The following NRXN3 variants were observed in gnomAD, a reference collection of about 807,000 sequenced individuals.
NRXN3 encodes the protein neurexin III.
In NRXN3, 32 loss-of-function variants were observed where a neutral mutation model predicts 137.6. The observed-to-expected ratio is 0.23, with a 90% CI of 0.18 to 0.31. The LOEUF (loss-of-function observed/expected upper bound fraction) is 0.31, where lower values mean the gene tolerates loss of function less well. Among genes scored for constraint, NRXN3 ranks in the 10% least tolerant of loss-of-function variants. NRXN3 has a pLI of 1.00. For synonymous variants in NRXN3, 798 were observed against 784.5 expected, an observed-to-expected ratio of 1.02 and a Z score of -0.29; for missense variants, 1,574 against 2,062.5, an observed-to-expected ratio of 0.76 and a Z score of 4.59.
Position 78,390,755 on chromosome 14 carries a change from T to C in NRXN3, c.757+92895T>C, listed in dbSNP as rs1330650498. On this transcript the variant is annotated intron_variant, in intron 4 of 20. Transcript: ENST00000335750. ...GAAAATCATTTCATTGCTGGTTAAA[T>C]GAGTATTTTAGATAATCTTTTTAAA... is the stretch of plus-strand genomic sequence containing the variant. Among the ~76,000 whole-genome samples the C allele has an allele frequency of 5.9e-5, 9 of 152,302 alleles. No homozygotes were observed. The East Asian group carries it at 1.7e-3, about 29-fold the overall frequency.
At chr14:79,396,792 A>C (rs1312245976) in intron 15 of NRXN3, among the ~76,000 whole-genome samples, 1 of 152,182 alleles carries the variant, frequency 6.6e-6, no homozygotes, top group African/African-American at 2.4e-5. Flanking sequence ...TATTATTATT[A>C]TTTTTAACCC....
At chr14:79,850,680 T>C (rs1349404768) in intron 20 of NRXN3, among the ~76,000 whole-genome samples, 1 of 152,138 alleles carries the variant, frequency 6.6e-6, no homozygotes, top group African/African-American at 2.4e-5. Context: ...ACATTCTTAG[T>C]ACCCAGAATA....
intron 19 of NRXN3, among the ~76,000 whole-genome samples, chr14:79,714,086 A>ATTAC (rs1252187925): frequency 6.6e-6 from 1 of 152,198 alleles, no homozygotes. Context: ...TAGAAAAAGA[A>ATTAC]TTACTCCCAC....
chr14:79,051,400 C>T (rs569202253), intron 15 of NRXN3, among the ~76,000 whole-genome samples: 10 of 152,160 alleles, frequency 6.6e-5, no homozygotes, highest in African/African-American at 2.2e-4. Flanking sequence ...CTGAGGCAGG[C>T]GGTGTTAAAG....
chr14:78,660,957 G>C (rs2097835370), intron 6 of NRXN3, among the ~76,000 whole-genome samples: 1 of 152,208 alleles, frequency 6.6e-6, no homozygotes, highest in African/African-American at 2.4e-5. Context: ...AATTTGCTCT[G>C]TATTAATTCA....
At chr14:79,351,454 C>A (rs1388573535) in intron 15 of NRXN3, among the ~76,000 whole-genome samples, 1 of 152,166 alleles carries the variant, frequency 6.6e-6, no homozygotes, top group Admixed American at 6.5e-5. Flanking sequence ...TCCTTTTCAA[C>A]ATATGTGTAT....
chr14:79,326,071 T>A (rs1245391266), intron 15 of NRXN3, among the ~76,000 whole-genome samples: 1 of 152,232 alleles, frequency 6.6e-6, no homozygotes, highest in African/African-American at 2.4e-5. Flanking sequence ...AAGTACTGTC[T>A]ATTTGCATTG....
At chr14:79,778,636 T>C (rs549992308) in intron 19 of NRXN3, among the ~76,000 whole-genome samples, 2 of 150,320 alleles carry the variant, frequency 1.3e-5, no homozygotes, top group South Asian at 2.1e-4. Context: ...TATAGCCCCC[T>C]TTTAAAAGAA....
chr14:79,321,696 A>G (rs1377207024), intron 15 of NRXN3, among the ~76,000 whole-genome samples: 3 of 150,958 alleles, frequency 2.0e-5, no homozygotes, highest in African/African-American at 4.9e-5. Flanking sequence ...GGAATGCTGC[A>G]AAAAAAATCC....
chr14:79,018,609 T>C (rs2099583782), intron 15 of NRXN3, among the ~76,000 whole-genome samples: 1 of 152,178 alleles, frequency 6.6e-6, no homozygotes, highest in Non-Finnish European at 1.5e-5. Flanking sequence ...CTCACTCTCC[T>C]TTACAGAGTA....
At chr14:78,360,304 TA>T (rs1003438198) in intron 4 of NRXN3, among the ~76,000 whole-genome samples, 8 of 151,948 alleles carry the variant, frequency 5.3e-5, no homozygotes, top group East Asian at 1.9e-4. Context: ...TTTCACTGTT[TA>T]AAAAAAAATC....
intron 11 of NRXN3, among the ~76,000 whole-genome samples, chr14:78,960,074 A>G (rs2099405148): frequency 6.6e-6 from 1 of 152,196 alleles, no homozygotes; most frequent in African/African-American, 2.4e-5. Context: ...TTTTACCACT[A>G]ATAATTAAAA....
At chr14:79,593,492 G>A (rs369683057) in intron 16 of NRXN3, among the ~76,000 whole-genome samples, 7 of 152,118 alleles carry the variant, frequency 4.6e-5, no homozygotes, top group African/African-American at 1.2e-4. Flanking sequence ...TTAGCCGGGC[G>A]TGGTGGCGGG....
intron 14 of NRXN3, among the ~76,000 whole-genome samples, chr14:78,975,744 G>T (rs994590170): frequency 1.3e-5 from 2 of 152,122 alleles, no homozygotes; most frequent in African/African-American, 4.8e-5. Context: ...ACCTCAAAGA[G>T]CAAGAAAGAA....
chr14:79,826,892 A>G (rs1005844430), intron 20 of NRXN3, among the ~76,000 whole-genome samples: 7 of 152,200 alleles, frequency 4.6e-5, no homozygotes, highest in Admixed American at 4.6e-4. Context: ...GCGGGAAGAT[A>G]GAGCCTGTGC....
intron 15 of NRXN3, among the ~76,000 whole-genome samples, chr14:79,234,326 A>ATATAT (rs2072938300): frequency 9.0e-6 from 1 of 111,708 alleles, no homozygotes; most frequent in African/African-American, 3.7e-5. Context: ...ATATATATAT[A>ATATAT]TATATATATA....
intron 1 of NRXN3, among the ~76,000 whole-genome samples, chr14:78,225,974 G>GTGTTGGTGTGT (rs1394081828): frequency 6.5e-5 from 8 of 123,632 alleles, no homozygotes; most frequent in African/African-American, 1.5e-4. Context: ...TGTGTGTGTT[G>GTGTTGGTGTGT]GTGTGTGTGT....
At chr14:78,836,900 C>G (rs946564725) in intron 10 of NRXN3, among the ~76,000 whole-genome samples, 1 of 152,224 alleles carries the variant, frequency 6.6e-6, no homozygotes, top group Admixed American at 6.5e-5. Context: ...TGCTGCAAGC[C>G]GGAGAAGATC....
chr14:78,466,994 A>T (rs1406662344), intron 4 of NRXN3, among the ~76,000 whole-genome samples: 2 of 152,074 alleles, frequency 1.3e-5, no homozygotes, highest in Non-Finnish European at 2.9e-5. Flanking sequence ...CTTAAAAGTT[A>T]AAAAAAAGAA....
Sources: allele counts gnomAD v4.1 joint callset (sites outside exome capture counted in the v4.1 genomes callset), GRCh38; gene constraint gnomAD v4.1.1; transcripts MANE v1.5; gene names NCBI Gene and HGNC (gene_info 2026-07-23, HGNC 2026-07-21).